The following MLLT1 variants were observed in gnomAD, a reference collection of about 807,000 sequenced individuals.
The protein encoded by MLLT1 is MLLT1 super elongation complex subunit.
In MLLT1, 11 loss-of-function variants were observed where a neutral mutation model predicts 55.1. The observed-to-expected ratio is 0.20, with a 90% CI of 0.13 to 0.33. The LOEUF (loss-of-function observed/expected upper bound fraction) is 0.33, where lower values mean the gene tolerates loss of function less well. Ranked by LOEUF, MLLT1 falls within the 10% of genes least tolerant of loss-of-function variation. The pLI is 1.00. For synonymous variants in MLLT1, 323 were observed against 320.1 expected (o/e 1.01, Z -0.10); for missense variants, 536 against 760.6 (o/e 0.70, Z 3.47).
chr19:6,225,806 T>C (rs1415286295), intron 5 of MLLT1, among the ~76,000 whole-genome samples: 2 of 152,214 alleles, frequency 1.3e-5, no homozygotes, highest in Non-Finnish European at 2.9e-5. Context: ...CAAGAAGTCC[T>C]TTCTACGCAG....
rs2233187 is a variant in MLLT1 at position 6,230,687 on chromosome 19, G to C, written c.303C>G (p.Thr101=). 2 of 1,614,064 alleles carry C rather than the reference G, an allele frequency of 1.2e-6. No individual in the cohort carries two copies. Among genetic ancestry groups the C allele is most frequent in the East Asian group, 2.2e-5 (1 of 44,872 alleles). Residue 101 remains threonine, a synonymous_variant, in exon 4 of 12, where the codon ACC becomes ACG. Transcript: ENST00000252674. The surrounding 1 kb of genome is among the most constrained non-coding windows in gnomAD (Gnocchi z 9.0). Reference sequence around the variant, plus strand: ...CTTCCAGGTTCAGGAACAGGTCGTAGGTGAAGCAGACCTTCCTCGGCTCCT... The same window carrying C: ...CTTCCAGGTTCAGGAACAGGTCGTACGTGAAGCAGACCTTCCTCGGCTCCT... ...NKEEPRKVCF[T]YDLFLNLEGN...
In MLLT1 at chr19:6,231,692, G is replaced by T. The variant is rs1037426449; in HGVS notation, c.277-979C>A. Among the ~76,000 whole-genome samples, 1 of 151,828 alleles carries T rather than the reference G, an allele frequency of 6.6e-6. No individual in the cohort carries two copies. Among genetic ancestry groups the T allele is most frequent in the African/African-American group, 2.4e-5 (1 of 41,348 alleles). ...AATTTTTTGTATTTTCAGTAAAGAC[G>T]GGGTTTCACCATGTTAACCAGGATG... On this transcript the variant is annotated intron_variant, in intron 3 of 11. Transcript: ENST00000252674. This position sits in a 1 kb window ranked among gnomAD's most constrained non-coding sequence, Gnocchi z 5.1.
At chr19:6,223,755 G>A (rs890736185) in intron 5 of MLLT1, among the ~76,000 whole-genome samples, 14 of 152,106 alleles carry the variant, frequency 9.2e-5, no homozygotes, top group African/African-American at 3.1e-4. Context: ...CACTCCCCAC[G>A]GTGGGAGCCA....
chr19:6,254,658 T>C (rs1331397886), intron 3 of MLLT1, among the ~76,000 whole-genome samples: 1 of 152,172 alleles, frequency 6.6e-6, no homozygotes, highest in African/African-American at 2.4e-5. Flanking sequence ...GTGTCAGAAA[T>C]GTTGTGAGTG....
chr19:6,239,982 C>T (rs1238686066), intron 3 of MLLT1, among the ~76,000 whole-genome samples: 1 of 151,936 alleles, frequency 6.6e-6, no homozygotes. Flanking sequence ...GGCTGAAAAC[C>T]TCTGACCAGG....
chr19:6,224,809 A>G (rs59941129), intron 5 of MLLT1, among the ~76,000 whole-genome samples: 2,845 of 152,220 alleles, frequency 0.019, 91 homozygotes, highest in African/African-American at 0.061. Context: ...GGCTCACTGC[A>G]AGCTCCGCCT....
At chr19:6,260,822 G>A (rs1707790347) in intron 3 of MLLT1, among the ~76,000 whole-genome samples, 3 of 152,318 alleles carry the variant, frequency 2.0e-5, no homozygotes, top group South Asian at 4.1e-4. Flanking sequence ...CTCCAGCCTG[G>A]GCAAAAGAGC....
chr19:6,277,247 G>T (rs1276790570), intron 1 of MLLT1, among the ~76,000 whole-genome samples: 3 of 152,244 alleles, frequency 2.0e-5, no homozygotes, highest in African/African-American at 7.2e-5. Context: ...AAATTTGCAT[G>T]AAAGCTTTGC....
intron 3 of MLLT1, among the ~76,000 whole-genome samples, chr19:6,234,602 C>T (rs922446361): frequency 2.0e-5 from 3 of 152,066 alleles, no homozygotes; most frequent in African/African-American, 2.4e-5. Context: ...TCCACTTGGC[C>T]GACAGCAGAG....
At chr19:6,264,609 A>C (rs1412897051) in intron 2 of MLLT1, among the ~76,000 whole-genome samples, 1 of 152,154 alleles carries the variant, frequency 6.6e-6, no homozygotes, top group Non-Finnish European at 1.5e-5. Flanking sequence ...GATACTTCTA[A>C]AAGGGGAAAT....
rs1005488847 is a variant in MLLT1, at chr19:6,227,668, T to TG, written c.421-567dup. 1.7e-4 allele frequency among the ~76,000 whole-genome samples: 26 copies of TG among 152,170 alleles called. No individual in the cohort carries two copies. The highest frequency in any genetic ancestry group is 4.2e-4 in the South Asian group (2 of 4,808). ...ACCAAGGCAGACGACCTGTGCCTAC[T>TG]GGGGGGGTCTCTCTGCAAAGCAGGC... On this transcript the variant is annotated intron_variant, in intron 4 of 11. Coordinates refer to ENST00000252674, the MANE Select transcript of MLLT1 (RefSeq NM_005934.4). This position sits in a 1 kb window ranked among gnomAD's most constrained non-coding sequence, Gnocchi z 5.1.
intron 2 of MLLT1, among the ~76,000 whole-genome samples, chr19:6,264,672 G>A (rs930211787): frequency 3.9e-5 from 6 of 152,004 alleles, no homozygotes; most frequent in Admixed American, 2.0e-4. Flanking sequence ...CTGGGAGGCC[G>A]AGGTGGGAGG....
intron 2 of MLLT1, among the ~76,000 whole-genome samples, chr19:6,269,420 G>A (rs1043045138): frequency 7.2e-5 from 11 of 152,366 alleles, no homozygotes; most frequent in Admixed American, 4.6e-4. Context: ...AGGAGCCTCC[G>A]CGGCCATCCT....
intron 3 of MLLT1, among the ~76,000 whole-genome samples, chr19:6,249,172 C>T (rs1319301050): frequency 2.6e-5 from 4 of 152,126 alleles, no homozygotes; most frequent in African/African-American, 9.7e-5. Context: ...TGTAAAATCT[C>T]TCAATACTTA....
rs934838948 is a variant in MLLT1 at position 6,229,139 on chromosome 19, A to C, written c.420+1431T>G. Among the ~76,000 whole-genome samples the C allele has an allele frequency of 6.6e-6, 1 of 152,028 alleles. No individual in the cohort carries two copies. Among genetic ancestry groups the C allele is most frequent in the African/African-American group, 2.4e-5 (1 of 41,380 alleles). On this transcript the variant is annotated intron_variant, in intron 4 of 11. Coordinates refer to ENST00000252674, the MANE Select transcript of MLLT1 (RefSeq NM_005934.4). This position sits in a 1 kb window ranked among gnomAD's most constrained non-coding sequence, Gnocchi z 5.2. ...CACCACGGAACCTCCGGGGACGCCC[A>C]AAAACACCTACTGCAAACGTGGTGA...
rs537837535 is a variant in MLLT1 at position 6,238,146 on chromosome 19, GACATGA to G, written c.277-7439_277-7434del. Reference sequence around the variant, plus strand: ...GAAGCTCCAACCTTACTTGAATCCTGACATGAACACGTTAATTTTAAAAGACGTATG... The same window carrying G: ...GAAGCTCCAACCTTACTTGAATCCTGACACGTTAATTTTAAAAGACGTATG... On this transcript the variant is annotated intron_variant, in intron 3 of 11. Coordinates refer to ENST00000252674, the MANE Select transcript of MLLT1 (RefSeq NM_005934.4). Among the ~76,000 whole-genome samples, 169 of 152,280 alleles carry G rather than the reference GACATGA, an allele frequency of 1.1e-3. 1 individual carries two copies. The highest frequency in any genetic ancestry group is 4.0e-3 in the African/African-American group (166 of 41,552).
intron 3 of MLLT1, among the ~76,000 whole-genome samples, chr19:6,246,684 A>G (rs11672124): frequency 0.35 from 52,667 of 151,982 alleles, 10,986 homozygotes; most frequent in African/African-American, 0.59. Context: ...TGGGGGAGGC[A>G]GAGTCCCGGT....
chr19:6,212,812 AGCCCGGGGG>A lies in MLLT1; in HGVS notation c.*221_*229del. ...GCCGCTCTCTGAGGGGAGCCCAGAG[AGCCCGGGGG>A]GCGGCTCCCGTGTGGCCCAGCCCGG... On this transcript the variant is annotated 3_prime_UTR_variant, in exon 12 of 12. Coordinates refer to ENST00000252674, the MANE Select transcript of MLLT1 (RefSeq NM_005934.4). The A allele has an allele frequency of 1.1e-6, 1 of 902,028 alleles. No homozygotes were observed. Among genetic ancestry groups the A allele is most frequent in the Non-Finnish European group, 1.5e-6 (1 of 654,434 alleles). 55.9% of individuals were successfully genotyped at this position (902,028 alleles called of 1,614,324 possible).
rs1002303807 is a variant in MLLT1 at position 6,277,554 on chromosome 19, A to G, written c.12+2219T>C. On this transcript the variant is annotated intron_variant, in intron 1 of 11. Transcript: ENST00000252674. ...CTGTGGTACCGGGCAGTGCAAAGCC[A>G]GCTCTCTCCCACACCTGTCCACCTG... Among the ~76,000 whole-genome samples the G allele has an allele frequency of 2.6e-5, 4 of 152,208 alleles. No homozygotes were observed. The East Asian group carries it at 7.7e-4, about 29-fold the overall frequency.
Sources: gnomAD v4.1 joint callset for allele counts (sites outside exome capture counted in the v4.1 genomes callset) on GRCh38, gnomAD v4.1.1 for gene constraint, Gnocchi (gnomAD v3.1) non-coding constraint, MANE v1.5 for transcripts, NCBI Gene and HGNC (gene_info 2026-07-23, HGNC 2026-07-21) for gene names.